The following GNAQ variants were observed in gnomAD, a reference collection of about 807,000 sequenced individuals.
GNAQ encodes the protein guanine nucleotide-binding protein G(q) subunit alpha.
GNAQ carries 8 observed loss-of-function variants against 43.9 expected under a neutral mutation model. The ratio of observed to expected loss-of-function variants is 0.18; its 90% CI spans 0.11 to 0.33. The LOEUF (loss-of-function observed/expected upper bound fraction) is 0.33, where lower values mean the gene tolerates loss of function less well. GNAQ is among the 10% of genes least tolerant of loss of function. The probability of loss-of-function intolerance (pLI) is 1.00; values close to 1 mark genes in which losing one functional copy is unlikely to be tolerated. For synonymous variants in GNAQ, 155 were observed against 170.7 expected, an observed-to-expected ratio of 0.91 and a Z score of 0.71; for missense variants, 158 against 450.8, an observed-to-expected ratio of 0.35 and a Z score of 5.88.
intron 5 of GNAQ, among the ~76,000 whole-genome samples, chr9:77,767,078 T>A (rs942839791): frequency 7.9e-5 from 12 of 152,232 alleles, no homozygotes; most frequent in Non-Finnish European, 1.6e-4. Flanking sequence ...ACTGGCACTT[T>A]AAAAGGGTCT....
intron 2 of GNAQ, among the ~76,000 whole-genome samples, chr9:77,860,404 C>T (rs190425223): frequency 1.3e-5 from 2 of 152,176 alleles, no homozygotes; most frequent in African/African-American, 4.8e-5. Context: ...GACTGCACTA[C>T]CCCACCCCAG....
At chr9:77,784,762 T>C (rs1163613680) in intron 5 of GNAQ, among the ~76,000 whole-genome samples, 1 of 152,200 alleles carries the variant, frequency 6.6e-6, no homozygotes, top group Middle Eastern at 3.2e-3. Context: ...AATTCCTCTA[T>C]ATTAATAATA....
At chr9:77,851,198 T>C (rs1458715488) in intron 2 of GNAQ, among the ~76,000 whole-genome samples, 3 of 152,172 alleles carry the variant, frequency 2.0e-5, no homozygotes, top group Non-Finnish European at 2.9e-5. Context: ...CATAATTGTC[T>C]AGCTTACACA....
intron 2 of GNAQ, among the ~76,000 whole-genome samples, chr9:77,909,374 G>C (rs1012813984): frequency 6.6e-6 from 1 of 152,174 alleles, no homozygotes; most frequent in Admixed American, 6.6e-5. Flanking sequence ...AGAGAAGAAA[G>C]ACTAGGCTAG....
At chr9:78,026,643 G>C (rs1353789507) in intron 1 of GNAQ, among the ~76,000 whole-genome samples, 1 of 152,062 alleles carries the variant, frequency 6.6e-6, no homozygotes, top group Non-Finnish European at 1.5e-5. Flanking sequence ...CTGACCTCTA[G>C]GTTAATTCAG....
intron 1 of GNAQ, among the ~76,000 whole-genome samples, chr9:77,996,441 A>C (rs1416113932): frequency 6.6e-6 from 1 of 152,182 alleles, no homozygotes; most frequent in Non-Finnish European, 1.5e-5. Flanking sequence ...GCACTTTGGG[A>C]AGCCGAGGCG....
At chr9:78,025,469 A>G (rs963855324) in intron 1 of GNAQ, among the ~76,000 whole-genome samples, 3 of 152,164 alleles carry the variant, frequency 2.0e-5, no homozygotes, top group Non-Finnish European at 4.4e-5. Context: ...TTCTATTGCT[A>G]TTTCACACTT....
At chr9:77,823,871 T>C (rs139900992) in intron 2 of GNAQ, among the ~76,000 whole-genome samples, 7 of 152,212 alleles carry the variant, frequency 4.6e-5, no homozygotes, top group African/African-American at 1.7e-4. Context: ...ACCATATCAA[T>C]GTTGTATGTC....
chr9:78,001,462 T>A (rs555172509), intron 1 of GNAQ, among the ~76,000 whole-genome samples: 3 of 152,030 alleles, frequency 2.0e-5, no homozygotes, highest in Admixed American at 2.0e-4. Flanking sequence ...CCAAGATATA[T>A]CCCCAAATGG....
chr9:77,913,350 A>G (rs1237772295), intron 2 of GNAQ, among the ~76,000 whole-genome samples: 1 of 150,914 alleles, frequency 6.6e-6, no homozygotes, highest in Non-Finnish European at 1.5e-5. Flanking sequence ...AATGTCATAC[A>G]ACTGTACTGT....
intron 1 of GNAQ, among the ~76,000 whole-genome samples, chr9:77,997,354 A>T (rs1564174104): frequency 6.6e-6 from 1 of 151,132 alleles, no homozygotes; most frequent in Non-Finnish European, 1.5e-5. Flanking sequence ...CCTCCCACCC[A>T]CTCTCATATC....
At position 77,716,632 on chromosome 9, in the gene GNAQ, T is replaced by A. The variant is rs1825230981; in HGVS notation, c.*4691A>T. On this transcript the variant is annotated 3_prime_UTR_variant, in exon 7 of 7. Transcript: ENST00000286548. ...ATTATTCCAGCTTTCTTTCCTGAAC[T>A]TAAAAATGTTCTACCAACGAATACC... 1 of 232,834 alleles carries A rather than the reference T, an allele frequency of 4.3e-6. No homozygotes were observed. Among genetic ancestry groups the A allele is most frequent in the African/African-American group, 2.2e-5 (1 of 45,314 alleles). The allele number at this position is 232,834 out of a possible 1,614,324, so 14.4% of individuals were successfully genotyped here.
At chr9:77,734,563 G>A in intron 5 of GNAQ, among the ~76,000 whole-genome samples, 1 of 152,168 alleles carries the variant, frequency 6.6e-6, no homozygotes, top group Non-Finnish European at 1.5e-5. Context: ...CTGACCTGAG[G>A]TAGGATGGAC....
At chr9:77,783,211 G>A (rs1826423566) in intron 5 of GNAQ, among the ~76,000 whole-genome samples, 3 of 152,176 alleles carry the variant, frequency 2.0e-5, no homozygotes. Flanking sequence ...TGCTGATAGT[G>A]GGGAAGGCTA....
chr9:77,807,481 C>G (rs1826846998), intron 3 of GNAQ, among the ~76,000 whole-genome samples: 1 of 152,184 alleles, frequency 6.6e-6, no homozygotes, highest in Non-Finnish European at 1.5e-5. Flanking sequence ...CAAATCAACT[C>G]AATGAACATT....
chr9:77,940,612 C>G (rs1829300994), intron 1 of GNAQ, among the ~76,000 whole-genome samples: 1 of 151,776 alleles, frequency 6.6e-6, no homozygotes, highest in Admixed American at 6.6e-5. Flanking sequence ...TAAAAAGAAT[C>G]TAACACATTG....
At chr9:77,904,490 G>A (rs1264164962) in intron 2 of GNAQ, among the ~76,000 whole-genome samples, 1 of 151,640 alleles carries the variant, frequency 6.6e-6, no homozygotes, top group Non-Finnish European at 1.5e-5. Flanking sequence ...CTACCACCAC[G>A]CCTGGCTACT....
At chr9:77,825,881 G>A (rs1827187215) in intron 2 of GNAQ, among the ~76,000 whole-genome samples, 1 of 152,082 alleles carries the variant, frequency 6.6e-6, no homozygotes, top group African/African-American at 2.4e-5. Flanking sequence ...GGAAGACTTG[G>A]GTTAGATATA....
intron 2 of GNAQ, among the ~76,000 whole-genome samples, chr9:77,895,919 C>T (rs1013726587): frequency 4.5e-4 from 69 of 152,130 alleles, no homozygotes; most frequent in Non-Finnish European, 7.3e-5. Context: ...CCTTCCGCCA[C>T]GATTGTGAGG....
Sources: gnomAD v4.1 joint callset for allele counts (sites outside exome capture counted in the v4.1 genomes callset) on GRCh38, gnomAD v4.1.1 for gene constraint, MANE v1.5 for transcripts, NCBI Gene and HGNC (gene_info 2026-07-23, HGNC 2026-07-21) for gene names.